CCDC39: variants seen among roughly 807,000 people sequenced by gnomAD.
CCDC39 encodes coiled-coil domain-containing protein 39.
In CCDC39, 113 loss-of-function variants were observed where a neutral mutation model predicts 121.0. The ratio of observed to expected loss-of-function variants is 0.93; its 90% CI spans 0.80 to 1.09. The LOEUF (loss-of-function observed/expected upper bound fraction) is 1.09. Ranked by LOEUF, CCDC39 falls within the 50% of genes least tolerant of loss-of-function variation. The pLI is 0.00. For synonymous variants in CCDC39, 349 were observed against 352.2 expected, an observed-to-expected ratio of 0.99 and a Z score of 0.10; for missense variants, 1,063 against 1,074.7, an observed-to-expected ratio of 0.99 and a Z score of 0.15.
chr3:180,672,811 C>T (rs1560095825), intron 1 of CCDC39, among the ~76,000 whole-genome samples: 1 of 152,098 alleles, frequency 6.6e-6, no homozygotes, highest in South Asian at 2.1e-4. Flanking sequence ...TGGATCTGAG[C>T]AAGGTAAATT....
At chr3:180,626,978 A>G (rs1451056091) in intron 14 of CCDC39, among the ~76,000 whole-genome samples, 1 of 152,174 alleles carries the variant, frequency 6.6e-6, no homozygotes, top group Middle Eastern at 3.2e-3. Context: ...CATTGAAAAA[A>G]CAAAAATTAA....
chr3:180,664,176 T>C (rs1711813616), intron 1 of CCDC39, among the ~76,000 whole-genome samples, 190 bp from the exon 2 acceptor site: 1 of 152,232 alleles, frequency 6.6e-6, no homozygotes, highest in Admixed American at 6.5e-5. Context: ...CTCACAGTTC[T>C]GAAGGCTAGG....
rs201889495 is a variant in CCDC39, at chr3:180,647,206, C to T, written c.1400G>A (p.Arg467Gln). ...TTCTGAATTAATTTCTCCCTTTAAC[C>T]GTGACATTCTCCGTTCCACTTGTTG... ...HIQQVERRMSRLKGEINSEEK... is the reference protein window; with the variant it reads ...HIQQVERRMSQLKGEINSEEK... The change falls in exon 11 of 20, where the codon CGG becomes CAG. Residue 467 changes from arginine (R) to glutamine (Q), a missense_variant. Transcript: ENST00000476379. The T allele has an allele frequency of 1.4e-5, 23 of 1,608,926 alleles. No individual in the cohort carries two copies. The highest frequency in any genetic ancestry group is 6.7e-5 in the African/African-American group (5 of 74,474).
chr3:180,677,211 T>TATAA (rs1712259345), intron 1 of CCDC39, among the ~76,000 whole-genome samples: 2 of 109,882 alleles, frequency 1.8e-5, no homozygotes, highest in African/African-American at 6.6e-5. Context: ...TATATATATA[T>TATAA]ATATAAAATC....
chr3:180,620,260 A>G (rs1440769241), intron 14 of CCDC39, among the ~76,000 whole-genome samples: 2 of 152,006 alleles, frequency 1.3e-5, no homozygotes, highest in Non-Finnish European at 2.9e-5. Flanking sequence ...CAAAGAGTTA[A>G]TCAAGTATAA....
intron 13 of CCDC39, among the ~76,000 whole-genome samples, chr3:180,632,090 C>T (rs1406954220): frequency 1.3e-5 from 2 of 152,186 alleles, no homozygotes; most frequent in Non-Finnish European, 2.9e-5. Flanking sequence ...AATCTCAAGC[C>T]TAGGTAACCC....
chr3:180,626,278 C>T (rs1717558711), intron 14 of CCDC39, among the ~76,000 whole-genome samples: 1 of 152,058 alleles, frequency 6.6e-6, no homozygotes, highest in Non-Finnish European at 1.5e-5. Context: ...TATCTGGGCC[C>T]CTGGATGGCA....
Position 180,641,984 on chromosome 3 carries a change from G to A in CCDC39, c.1874+9C>T. 2 of 1,559,128 alleles carry A rather than the reference G, an allele frequency of 1.3e-6. No homozygotes were observed. The highest frequency in any genetic ancestry group is 1.7e-6 in the Non-Finnish European group (2 of 1,149,904). ...TTAATTCCTCAGCAGTTTTAAAACT[G>A]AAAATTACCTTATGTTTTCCCGTTC... On this transcript the variant is annotated intron_variant, in intron 13 of 19. Coordinates refer to ENST00000476379, the MANE Select transcript of CCDC39 (RefSeq NM_181426.2).
chr3:180,616,740 G>A, intron 17 of CCDC39, 45 bp from the exon 18 acceptor site: 1 of 1,571,414 alleles, frequency 6.4e-7, no homozygotes. Flanking sequence ...GTGTTTACCA[G>A]AATTTAATAT....
chr3:180,668,968 T>C (rs2108433381), intron 1 of CCDC39, among the ~76,000 whole-genome samples: 1 of 152,334 alleles, frequency 6.6e-6, no homozygotes, highest in Admixed American at 6.5e-5. Context: ...TTTAAAAGTC[T>C]CCAATAATTT....
At chr3:180,673,110 A>G (rs910099811) in intron 1 of CCDC39, among the ~76,000 whole-genome samples, 1 of 152,248 alleles carries the variant, frequency 6.6e-6, no homozygotes, top group African/African-American at 2.4e-5. Flanking sequence ...TGAGCAAAGA[A>G]AGCAGTTCCT....
Position 180,642,019 on chromosome 3 carries a change from A to AT in CCDC39, c.1847dup (p.Tyr616Ter). ...TTATGTTTTCCCGTTCTTGATCAAC[A>AT]TATCTTATTTGTGACGCAAGCATTG... ...HKTMLASQIR[Y>*]VDQERENIST... Residue 616 changes from tyrosine (Y) to a stop codon, truncating the protein, a stop_gained and frameshift_variant, in exon 13 of 20, where the codon TAT (tyrosine) becomes TAAT (stop). Coordinates refer to ENST00000476379, the MANE Select transcript of CCDC39 (RefSeq NM_181426.2). LOFTEE classifies it high-confidence loss of function. The AT allele has an allele frequency of 6.3e-7, 1 of 1,597,302 alleles. No homozygotes were observed. Among genetic ancestry groups the AT allele is most frequent in the Non-Finnish European group, 8.5e-7 (1 of 1,171,368 alleles).
chr3:180,622,727 T>A (rs1717459273), intron 14 of CCDC39, among the ~76,000 whole-genome samples: 1 of 152,150 alleles, frequency 6.6e-6, no homozygotes, highest in Admixed American at 6.5e-5. Context: ...TTAAGTTGCA[T>A]ATACTAAACC....
chr3:180,660,534 G>A (rs1321561320), intron 4 of CCDC39, 36 bp downstream of exon 4: 13 of 1,518,298 alleles, frequency 8.6e-6, no homozygotes, highest in Non-Finnish European at 1.2e-5. Context: ...TACAGAGTTA[G>A]AGAAAACCTA....
chr3:180,617,044 T>G lies in CCDC39; in HGVS notation c.2266-78A>C, dbSNP rs537525598. Reference sequence around the variant, plus strand: ...AACTTGTCATTTATCAAGTATTCATTTAATTTTAATTCATTTATTTTTGTA... The same window carrying G: ...AACTTGTCATTTATCAAGTATTCATGTAATTTTAATTCATTTATTTTTGTA... On this transcript the variant is annotated intron_variant, in intron 16 of 19. Transcript: ENST00000476379. 2.4e-4 allele frequency: 186 copies of G among 776,748 alleles called. 2 individuals are homozygous for G. In the South Asian group the frequency reaches 4.1e-3, roughly 17 times the overall value. The allele number at this position is 776,748 out of a possible 1,614,324, so 48.1% of individuals were successfully genotyped here.
At chr3:180,677,168 T>TTATTTATATA (rs1553807757) in intron 1 of CCDC39, among the ~76,000 whole-genome samples, 1 of 35,176 alleles carries the variant, frequency 2.8e-5, no homozygotes, top group Non-Finnish European at 5.3e-5. Context: ...AATAATAATT[T>TTATTTATATA]TATATATATA....
chr3:180,631,348 T>C, intron 14 of CCDC39, 121 bp downstream of exon 14: 1 of 910,720 alleles, frequency 1.1e-6, no homozygotes, highest in Non-Finnish European at 1.7e-6. Flanking sequence ...AAATAGTTGC[T>C]AGATTTCATG....
intron 1 of CCDC39, among the ~76,000 whole-genome samples, chr3:180,675,025 C>G (rs988019082): frequency 2.6e-5 from 4 of 152,184 alleles, no homozygotes; most frequent in African/African-American, 9.6e-5. Context: ...CCCTCTTTTT[C>G]TATTGATTGG....
At chr3:180,619,483 A>T in intron 15 of CCDC39, 118 bp from the exon 16 acceptor site, 1 of 652,244 alleles carries the variant, frequency 1.5e-6, no homozygotes. Flanking sequence ...TTTTATATCC[A>T]CTTGTAGAAA....
Sources: gnomAD v4.1 joint callset for allele counts (sites outside exome capture counted in the v4.1 genomes callset) on GRCh38, gnomAD v4.1.1 for gene constraint, MANE v1.5 for transcripts, NCBI Gene and HGNC (gene_info 2026-07-23, HGNC 2026-07-21) for gene names.